Variants in CA10 observed in about 807,000 individuals in gnomAD.
CA10 encodes carbonic anhydrase 10 (inactive), also known as carbonic anhydrase-related protein 10.
CA10 carries 14 observed loss-of-function variants against 44.2 expected under a neutral mutation model. That is an observed-to-expected ratio of 0.32 (90% CI 0.21 to 0.50). The LOEUF (loss-of-function observed/expected upper bound fraction) is 0.50, where lower values mean the gene tolerates loss of function less well. Ranked by LOEUF, CA10 falls within the 20% of genes least tolerant of loss-of-function variation. The pLI is 0.99. For synonymous variants in CA10, 159 were observed against 141.6 expected (o/e 1.12, Z -0.87); for missense variants, 350 against 409.7 (o/e 0.85, Z 1.26).
At chr17:51,995,530 T>G (rs1479052801) in intron 2 of CA10, among the ~76,000 whole-genome samples, 2 of 152,076 alleles carry the variant, frequency 1.3e-5, no homozygotes, top group African/African-American at 4.8e-5. Flanking sequence ...TCAGGCCACT[T>G]TAACATTTTC....
chr17:52,157,526 A>G (rs1216954292), intron 1 of CA10, among the ~76,000 whole-genome samples, 200 bp downstream of exon 1: 2 of 111,808 alleles, frequency 1.8e-5, no homozygotes, highest in East Asian at 6.4e-4. Flanking sequence ...ACAGATCCTA[A>G]CCACCCCCCC....
At chr17:52,157,342 C>A (rs1316239553) in intron 1 of CA10, among the ~76,000 whole-genome samples, 1 of 152,028 alleles carries the variant, frequency 6.6e-6, no homozygotes, top group East Asian at 1.9e-4. Context: ...ATTTTGCCAG[C>A]CAGGAACCAC....
intron 6 of CA10, among the ~76,000 whole-genome samples, chr17:51,638,752 G>C (rs1912942820): frequency 6.6e-6 from 1 of 152,198 alleles, no homozygotes; most frequent in Non-Finnish European, 1.5e-5. Context: ...TGTGAGTTCT[G>C]TCTGGGGCGA....
At chr17:51,959,154 C>A (rs1348596032) in intron 2 of CA10, among the ~76,000 whole-genome samples, 1 of 151,804 alleles carries the variant, frequency 6.6e-6, no homozygotes, top group Non-Finnish European at 1.5e-5. Flanking sequence ...AGTCACAAAG[C>A]CTTAGACTAG....
chr17:51,663,422 T>C (rs1451038196), intron 4 of CA10, among the ~76,000 whole-genome samples: 1 of 152,192 alleles, frequency 6.6e-6, no homozygotes, highest in Non-Finnish European at 1.5e-5. Context: ...AAACTTCTGC[T>C]GATTTTAGTT....
chr17:51,666,479 A>G (rs1914211573), intron 4 of CA10, among the ~76,000 whole-genome samples: 1 of 151,516 alleles, frequency 6.6e-6, no homozygotes, highest in Admixed American at 6.6e-5. Context: ...TCGATTGAAA[A>G]CTCTAGAGGG....
chr17:51,850,794 C>T (rs1365322111), intron 3 of CA10, among the ~76,000 whole-genome samples: 2 of 152,192 alleles, frequency 1.3e-5, no homozygotes, highest in Non-Finnish European at 2.9e-5. Flanking sequence ...AGTTGGCAAA[C>T]CTGGATTCAG....
intron 2 of CA10, among the ~76,000 whole-genome samples, chr17:51,982,729 T>A (rs1984693413): frequency 6.6e-6 from 1 of 151,880 alleles, no homozygotes; most frequent in Non-Finnish European, 1.5e-5. Context: ...TCCCAATAAA[T>A]TACATCATCA....
intron 3 of CA10, among the ~76,000 whole-genome samples, chr17:51,912,105 G>A (rs1029900077): frequency 6.6e-6 from 1 of 152,096 alleles, no homozygotes; most frequent in African/African-American, 2.4e-5. Flanking sequence ...ATGTAGCACC[G>A]TTACCTCTTT....
chr17:51,760,237 A>T (rs187672064), intron 3 of CA10, among the ~76,000 whole-genome samples: 98 of 152,360 alleles, frequency 6.4e-4, no homozygotes, highest in Non-Finnish European at 7.3e-4. Context: ...CAAAGTAGAA[A>T]TAGCAAATGT....
chr17:51,918,300 C>T (rs1484181994), intron 3 of CA10, among the ~76,000 whole-genome samples: 1 of 152,000 alleles, frequency 6.6e-6, no homozygotes. Context: ...AGTGGCTTTT[C>T]CTTAACTTAA....
At chr17:51,633,082 C>A (rs16950191) in intron 8 of CA10, among the ~76,000 whole-genome samples, 34,778 of 151,256 alleles carry the variant, frequency 0.23, 4,114 homozygotes, top group South Asian at 0.39. Context: ...GGAACATCAG[C>A]CTTTCTGGGC....
chr17:51,917,775 T>C (rs1158306686), intron 3 of CA10, among the ~76,000 whole-genome samples: 1 of 152,148 alleles, frequency 6.6e-6, no homozygotes, highest in Non-Finnish European at 1.5e-5. Context: ...AATTACCTCC[T>C]GCCAGGCCCT....
Position 52,071,717 on chromosome 17 carries a change from A to G in CA10, c.136+602T>C, listed in dbSNP as rs180726566. On this transcript the variant is annotated intron_variant, in intron 2 of 8. Transcript: ENST00000451037. ...TTCTCTTGCCTCGCTTTACTAAAGCAGCAAAAGCAAGAGGACCATTAAAAG... is the reference window on the plus strand; with the variant it reads ...TTCTCTTGCCTCGCTTTACTAAAGCGGCAAAAGCAAGAGGACCATTAAAAG... Among the ~76,000 whole-genome samples the G allele has an allele frequency of 1.6e-4, 25 of 152,348 alleles. 1 individual carries two copies. The East Asian group carries it at 4.8e-3, about 29-fold the overall frequency.
chr17:52,048,025 C>T (rs1278037920), intron 2 of CA10, among the ~76,000 whole-genome samples: 3 of 149,470 alleles, frequency 2.0e-5, no homozygotes, highest in African/African-American at 7.3e-5. Flanking sequence ...TCCATCCAAT[C>T]TCCCACACCC....
chr17:52,152,106 C>A (rs112427453), intron 1 of CA10, among the ~76,000 whole-genome samples: 1,895 of 152,018 alleles, frequency 0.012, 37 homozygotes, highest in African/African-American at 0.043. Context: ...CCCTCCAGTT[C>A]ACCCCCTACG....
At chr17:51,686,974 G>A (rs1290636348) in intron 4 of CA10, among the ~76,000 whole-genome samples, 1 of 152,018 alleles carries the variant, frequency 6.6e-6, no homozygotes, top group Admixed American at 6.6e-5. Context: ...GCTTACTTTT[G>A]GCTCTTCTCT....
Position 51,631,564 on chromosome 17 carries a change from AT to A in CA10, c.*19del, listed in dbSNP as rs1912575045. On this transcript the variant is annotated 3_prime_UTR_variant, in exon 9 of 9. Transcript: ENST00000451037. ...AGTTGTAGCATTTCACTGAGGTGGG[AT>A]TCTTCTTGGCTTTGTTCCCTACTTG... The A allele has an allele frequency of 6.2e-7, 1 of 1,608,942 alleles. No homozygotes were observed. The highest frequency in any genetic ancestry group is 1.1e-5 in the South Asian group (1 of 90,914).
At chr17:51,793,706 C>A (rs548439083) in intron 3 of CA10, among the ~76,000 whole-genome samples, 2 of 152,310 alleles carry the variant, frequency 1.3e-5, no homozygotes, top group Middle Eastern at 6.8e-3. Flanking sequence ...GTATAGAGAC[C>A]CACATGGTAT....
Sources: gnomAD v4.1 joint callset for allele counts (sites outside exome capture counted in the v4.1 genomes callset) on GRCh38, gnomAD v4.1.1 for gene constraint, MANE v1.5 for transcripts, NCBI Gene and HGNC (gene_info 2026-07-23, HGNC 2026-07-21) for gene names.